WASHC3: variants seen among roughly 807,000 people sequenced by gnomAD.
WASHC3 encodes the protein WASH complex subunit CCDC53.
Under a neutral mutation model 26.1 loss-of-function variants are expected in WASHC3, and 24 were observed. The ratio of observed to expected loss-of-function variants is 0.92; its 90% CI spans 0.66 to 1.29. The LOEUF (loss-of-function observed/expected upper bound fraction) is 1.29. WASHC3 is among the 50% of genes most tolerant of loss of function. The pLI is 0.00. For missense variants in WASHC3, 214 were observed against 229.6 expected, an observed-to-expected ratio of 0.93 and a Z score of 0.44; for synonymous variants, 77 against 75.7, an observed-to-expected ratio of 1.02 and a Z score of -0.09.
At chr12:102,021,846 T>TA (rs11431984) in intron 6 of WASHC3, among the ~76,000 whole-genome samples, 92,194 of 151,898 alleles carry the variant, frequency 0.61, 28,896 homozygotes, top group African/African-American at 0.77. Context: ...AAAAAAGTTT[T>TA]TTGCTTTCCA....
intron 5 of WASHC3, among the ~76,000 whole-genome samples, chr12:102,033,811 G>A (rs1877538114): frequency 1.3e-5 from 2 of 151,026 alleles, no homozygotes; most frequent in Non-Finnish European, 3.0e-5. Flanking sequence ...AAGCTGACAT[G>A]TAGGCTTCTA....
chr12:102,028,605 A>AT (rs1438513045), intron 5 of WASHC3, among the ~76,000 whole-genome samples: 1 of 152,026 alleles, frequency 6.6e-6, no homozygotes. Context: ...TTGAAAAAAA[A>AT]ATTTCCTAAA....
At chr12:102,025,854 G>A in intron 6 of WASHC3, 120 bp downstream of exon 6, 2 of 654,892 alleles carry the variant, frequency 3.1e-6, no homozygotes, top group Non-Finnish European at 2.7e-6. Context: ...TTACAAAGAT[G>A]ATATCCTCAA....
At chr12:102,050,296 CA>C (rs1383012417) in intron 2 of WASHC3, 1 of 453,328 alleles carries the variant, frequency 2.2e-6, no homozygotes, top group Non-Finnish European at 4.4e-6. Flanking sequence ...CCCTGTCTGA[CA>C]AAAAAACAAC....
At chr12:102,023,845 C>T (rs1419411303) in intron 6 of WASHC3, among the ~76,000 whole-genome samples, 1 of 152,174 alleles carries the variant, frequency 6.6e-6, no homozygotes, top group East Asian at 1.9e-4. Flanking sequence ...TACCCTTAAA[C>T]TTGGCACTAC....
chr12:102,029,919 GCTC>G (rs1446870917), intron 5 of WASHC3, among the ~76,000 whole-genome samples: 3 of 152,022 alleles, frequency 2.0e-5, no homozygotes, highest in Non-Finnish European at 2.9e-5. Flanking sequence ...CCCCAATCAG[GCTC>G]CTTTTACTTA....
intron 5 of WASHC3, among the ~76,000 whole-genome samples, chr12:102,030,537 G>A (rs1013671751): frequency 2.6e-5 from 4 of 151,872 alleles, no homozygotes; most frequent in African/African-American, 9.7e-5. Flanking sequence ...TAAAAAAAAT[G>A]GAAACTTTAT....
chr12:102,054,052 T>A (rs938947694), intron 2 of WASHC3, among the ~76,000 whole-genome samples: 1 of 152,126 alleles, frequency 6.6e-6, no homozygotes, highest in Admixed American at 6.5e-5. Flanking sequence ...GTCAGCCTCA[T>A]GGGAACAACA....
At chr12:102,048,828 C>A (rs753300240) in intron 2 of WASHC3, among the ~76,000 whole-genome samples, 1 of 152,010 alleles carries the variant, frequency 6.6e-6, no homozygotes. Flanking sequence ...TTCTATCCAC[C>A]TGAAAACATT....
chr12:102,057,454 T>C (rs1250228185), intron 2 of WASHC3, among the ~76,000 whole-genome samples: 2 of 151,950 alleles, frequency 1.3e-5, no homozygotes, highest in African/African-American at 4.8e-5. Context: ...GGCATTGAAA[T>C]TGGAAAAAAG....
intron 6 of WASHC3, chr12:102,017,798 T>A (rs545066966): frequency 2.5e-5 from 11 of 438,158 alleles, no homozygotes; most frequent in African/African-American, 6.1e-5. Context: ...TTTCTTTTTT[T>A]AATTTTTCTT....
chr12:102,058,356 A>G (rs1878673132), intron 2 of WASHC3, among the ~76,000 whole-genome samples: 2 of 152,188 alleles, frequency 1.3e-5, no homozygotes, highest in Admixed American at 1.3e-4. Flanking sequence ...GGTCTGGGCA[A>G]TGACTTTTTT....
chr12:102,028,597 G>A (rs1333955847), intron 5 of WASHC3, among the ~76,000 whole-genome samples: 1 of 150,870 alleles, frequency 6.6e-6, no homozygotes. Flanking sequence ...GAATGAGGTT[G>A]AAAAAAAAAT....
At chr12:102,044,957 T>C (rs1455039251) in intron 3 of WASHC3, among the ~76,000 whole-genome samples, 1 of 152,208 alleles carries the variant, frequency 6.6e-6, no homozygotes, top group Non-Finnish European at 1.5e-5. Context: ...GATGACTCTA[T>C]GGCCATGGAA....
chr12:102,043,321 G>C (rs1159253955), intron 4 of WASHC3, among the ~76,000 whole-genome samples: 1 of 152,132 alleles, frequency 6.6e-6, no homozygotes, highest in Non-Finnish European at 1.5e-5. Context: ...CTAGGCTGGA[G>C]TGCAGTAGTG....
At chr12:102,055,638 C>T (rs1432848588) in intron 2 of WASHC3, among the ~76,000 whole-genome samples, 1 of 152,166 alleles carries the variant, frequency 6.6e-6, no homozygotes, top group African/African-American at 2.4e-5. Flanking sequence ...CCACCGTGCC[C>T]CACCCATCAA....
chr12:102,023,160 T>C (rs1264939582), intron 6 of WASHC3, among the ~76,000 whole-genome samples: 2 of 152,218 alleles, frequency 1.3e-5, no homozygotes, highest in Non-Finnish European at 2.9e-5. Flanking sequence ...TAGTCATTTT[T>C]CTAGGAAAAT....
chr12:102,036,693 AAGG>A (rs1203824532), intron 5 of WASHC3, among the ~76,000 whole-genome samples: 1 of 152,220 alleles, frequency 6.6e-6, no homozygotes, highest in East Asian at 1.9e-4. Context: ...CATGTGCCTG[AAGG>A]AGGAGATGCC....
intron 5 of WASHC3, among the ~76,000 whole-genome samples, chr12:102,034,370 T>G (rs1877563681): frequency 6.6e-6 from 1 of 152,178 alleles, no homozygotes; most frequent in Admixed American, 6.5e-5. Context: ...TCGTGATTGT[T>G]CTTCACTCCA....
Sources: gnomAD v4.1 joint callset for allele counts (sites outside exome capture counted in the v4.1 genomes callset) on GRCh38, gnomAD v4.1.1 for gene constraint, MANE v1.5 for transcripts, NCBI Gene and HGNC (gene_info 2026-07-23, HGNC 2026-07-21) for gene names.